The following SLC2A13 variants were observed in gnomAD, a reference collection of about 807,000 sequenced individuals.
SLC2A13 encodes proton myo-inositol cotransporter.
SLC2A13 carries 32 observed loss-of-function variants against 64.4 expected under a neutral mutation model. That is an observed-to-expected ratio of 0.50 (90% confidence interval 0.37 to 0.67). The LOEUF (loss-of-function observed/expected upper bound fraction) is 0.67, where lower values mean the gene tolerates loss of function less well. Ranked by LOEUF, SLC2A13 falls within the 30% of genes least tolerant of loss-of-function variation. SLC2A13 has a pLI of 0.00. For synonymous variants in SLC2A13, 338 were observed against 327.1 expected (o/e 1.03, Z -0.36); for missense variants, 743 against 829.2 (o/e 0.90, Z 1.28).
chr12:39,905,831 A>AAAC (rs891306668), intron 4 of SLC2A13, among the ~76,000 whole-genome samples: 5 of 151,628 alleles, frequency 3.3e-5, no homozygotes, highest in African/African-American at 7.3e-5. Context: ...AGAAAAAAAA[A>AAAC]AAAACTACAC....
chr12:39,970,103 T>C (rs890457550), intron 3 of SLC2A13, among the ~76,000 whole-genome samples: 1 of 152,212 alleles, frequency 6.6e-6, no homozygotes, highest in Non-Finnish European at 1.5e-5. Context: ...AAAGATCAGA[T>C]GGTTGTAGAT....
chr12:39,828,739 C>G (rs1158845461), intron 7 of SLC2A13, among the ~76,000 whole-genome samples: 2 of 150,300 alleles, frequency 1.3e-5, no homozygotes, highest in African/African-American at 4.9e-5. Context: ...TTGGCAAAAA[C>G]AAAACTCTAA....
intron 6 of SLC2A13, among the ~76,000 whole-genome samples, chr12:39,838,482 A>T (rs1282749118): frequency 5.7e-5 from 8 of 139,590 alleles, no homozygotes; most frequent in Admixed American, 5.4e-4. Flanking sequence ...CCTAAAACTT[A>T]AAGTATAATA....
intron 7 of SLC2A13, among the ~76,000 whole-genome samples, chr12:39,784,576 A>G (rs1436668883): frequency 1.3e-5 from 2 of 152,244 alleles, no homozygotes; most frequent in Non-Finnish European, 2.9e-5. Context: ...ACATTAATTC[A>G]AAATGGATTA....
At chr12:40,001,908 C>T (rs1947326792) in intron 3 of SLC2A13, among the ~76,000 whole-genome samples, 1 of 152,026 alleles carries the variant, frequency 6.6e-6, no homozygotes, top group African/African-American at 2.4e-5. Flanking sequence ...ACTGGGTAAA[C>T]ATAATAAAGT....
chr12:39,952,110 C>T (rs1032105383), intron 3 of SLC2A13, among the ~76,000 whole-genome samples: 5 of 152,080 alleles, frequency 3.3e-5, no homozygotes, highest in African/African-American at 1.2e-4. Flanking sequence ...TGGATCAGTT[C>T]TGGAAAGCTG....
chr12:39,846,629 T>C (rs1170462263), intron 6 of SLC2A13, among the ~76,000 whole-genome samples: 1 of 152,142 alleles, frequency 6.6e-6, no homozygotes, highest in African/African-American at 2.4e-5. Flanking sequence ...TTTTTTGTAT[T>C]TTTGGAGAAA....
intron 3 of SLC2A13, among the ~76,000 whole-genome samples, chr12:39,996,790 T>C (rs1274681674): frequency 3.3e-5 from 5 of 151,972 alleles, no homozygotes; most frequent in African/African-American, 1.2e-4. Context: ...TTACAATAGC[T>C]GCAAAAAAAT....
chr12:39,986,898 CTG>C (rs1230681268), intron 3 of SLC2A13, among the ~76,000 whole-genome samples: 3 of 152,134 alleles, frequency 2.0e-5, no homozygotes, highest in Non-Finnish European at 4.4e-5. Context: ...TAGATTATGA[CTG>C]TGTACTGAGT....
chr12:39,979,484 T>G (rs1000216100), intron 3 of SLC2A13, among the ~76,000 whole-genome samples: 1 of 147,956 alleles, frequency 6.8e-6, no homozygotes, highest in South Asian at 2.2e-4. Context: ...TTAAAGGAGC[T>G]GATGGAGCTG....
intron 3 of SLC2A13, among the ~76,000 whole-genome samples, chr12:40,003,358 A>G (rs1166980722): frequency 1.3e-5 from 2 of 152,224 alleles, no homozygotes; most frequent in Non-Finnish European, 2.9e-5. Context: ...TATTAAAATT[A>G]TAACGATTAT....
At chr12:39,968,633 G>A (rs1259393560) in intron 3 of SLC2A13, among the ~76,000 whole-genome samples, 6 of 151,550 alleles carry the variant, frequency 4.0e-5, no homozygotes, top group Admixed American at 6.6e-5. Context: ...TCTATCCCAA[G>A]TCTACCAACC....
chr12:39,976,586 G>A (rs1447078452), intron 3 of SLC2A13, among the ~76,000 whole-genome samples: 2 of 151,798 alleles, frequency 1.3e-5, no homozygotes, highest in African/African-American at 2.4e-5. Context: ...TAAAGACTGG[G>A]GGGGTCTCAC....
At chr12:39,863,705 C>A (rs1343004626) in intron 6 of SLC2A13, among the ~76,000 whole-genome samples, 2 of 152,012 alleles carry the variant, frequency 1.3e-5, no homozygotes, top group East Asian at 3.9e-4. Flanking sequence ...AGTCAGTGAG[C>A]CAATAATAAA....
chr12:39,795,067 T>G (rs1461328976), intron 7 of SLC2A13, among the ~76,000 whole-genome samples: 1 of 152,166 alleles, frequency 6.6e-6, no homozygotes, highest in Non-Finnish European at 1.5e-5. Flanking sequence ...GTTCAAAAAT[T>G]CGGGAATATT....
intron 3 of SLC2A13, 127 bp from the exon 4 acceptor site, chr12:39,951,492 A>G (rs2136101632): frequency 3.3e-6 from 2 of 609,386 alleles, no homozygotes; most frequent in South Asian, 6.6e-5. Flanking sequence ...TTAAATCAGA[A>G]CAACTCTATT....
intron 6 of SLC2A13, among the ~76,000 whole-genome samples, chr12:39,858,774 T>C (rs542761336): frequency 3.3e-5 from 5 of 152,212 alleles, no homozygotes; most frequent in African/African-American, 1.2e-4. Flanking sequence ...ACTTGGCTAA[T>C]TTTTTGTATT....
intron 1 of SLC2A13, among the ~76,000 whole-genome samples, chr12:40,088,727 G>A (rs1938667263): frequency 6.6e-6 from 1 of 152,192 alleles, no homozygotes; most frequent in Non-Finnish European, 1.5e-5. Context: ...AAGTGTGGTA[G>A]GGGTGTAGCA....
At chr12:40,061,845 G>C (rs1366461974) in intron 1 of SLC2A13, among the ~76,000 whole-genome samples, 1 of 150,760 alleles carries the variant, frequency 6.6e-6, no homozygotes, top group African/African-American at 2.4e-5. Context: ...GTTGATCCTT[G>C]CTGGAAGGAC....
Sources: gnomAD v4.1 joint callset for allele counts (sites outside exome capture counted in the v4.1 genomes callset) on GRCh38, gnomAD v4.1.1 for gene constraint, MANE v1.5 for transcripts, NCBI Gene and HGNC (gene_info 2026-07-23, HGNC 2026-07-21) for gene names.